The following SNTG2 variants were observed in gnomAD, a reference collection of about 807,000 sequenced individuals.
SNTG2 encodes the protein gamma-2-syntrophin.
A neutral mutation model predicts 70.9 loss-of-function variants in SNTG2; 74 were observed. That is an observed-to-expected ratio of 1.04 (90% CI 0.86 to 1.27). SNTG2 has a LOEUF of 1.27. Among genes scored for constraint, SNTG2 ranks in the 50% most tolerant of loss-of-function variants. The pLI, the probability that SNTG2 is intolerant of heterozygous loss-of-function variation, is 0.00. For missense variants in SNTG2, 717 were observed against 690.7 expected (o/e 1.04, Z -0.43); for synonymous variants, 278 against 273.8 (o/e 1.02, Z -0.15).
intron 12 of SNTG2, among the ~76,000 whole-genome samples, chr2:1,249,554 A>G (rs1677638093): frequency 6.6e-6 from 1 of 152,190 alleles, no homozygotes; most frequent in South Asian, 2.1e-4. Flanking sequence ...CCACCTAAGT[A>G]TGTGGCCTGT....
intron 4 of SNTG2, among the ~76,000 whole-genome samples, chr2:1,119,425 C>T (rs558494316): frequency 3.3e-5 from 5 of 152,116 alleles, no homozygotes; most frequent in African/African-American, 1.2e-4. Context: ...TACATGTCTC[C>T]AGTATGAAGG....
intron 1 of SNTG2, among the ~76,000 whole-genome samples, chr2:1,078,711 C>T (rs998847235): frequency 1.3e-5 from 2 of 152,218 alleles, no homozygotes; most frequent in African/African-American, 4.8e-5. Context: ...CTTAAGAATA[C>T]ACTGAACTGG....
intron 12 of SNTG2, among the ~76,000 whole-genome samples, chr2:1,251,266 A>G (rs1049680993): frequency 6.6e-6 from 1 of 151,700 alleles, no homozygotes; most frequent in Non-Finnish European, 1.5e-5. Flanking sequence ...GATCTCTGAA[A>G]TATAAAAATT....
Position 1,267,573 on chromosome 2 carries a change from T to A in SNTG2, c.1284+2T>A, listed in dbSNP as rs746808339. The A allele has an allele frequency of 2.5e-6, 4 of 1,611,918 alleles. No individual in the cohort carries two copies. The highest frequency in any genetic ancestry group is 2.5e-6 in the Non-Finnish European group (3 of 1,179,732). ...TTCATGGAAGTTCAGAGAACCGGGG[T>A]AAGTGAACAACTCACACTCTTCTCA... On this transcript the variant is annotated splice_donor_variant, in intron 14 of 16. Coordinates refer to ENST00000308624, the MANE Select transcript of SNTG2 (RefSeq NM_018968.4). LOFTEE classifies it high-confidence loss of function.
chr2:1,253,820 G>A (rs1677897878), intron 12 of SNTG2, among the ~76,000 whole-genome samples: 1 of 152,208 alleles, frequency 6.6e-6, no homozygotes, highest in African/African-American at 2.4e-5. Flanking sequence ...CAAAGGGGAA[G>A]TAGGCACATC....
At chr2:983,477 G>A (rs545152197) in intron 1 of SNTG2, among the ~76,000 whole-genome samples, 4 of 152,288 alleles carry the variant, frequency 2.6e-5, no homozygotes, top group South Asian at 4.1e-4. Context: ...CACCCTTCCT[G>A]CCCAACTTGG....
intron 4 of SNTG2, among the ~76,000 whole-genome samples, chr2:1,124,659 G>A (rs1029100751): frequency 2.0e-5 from 3 of 152,272 alleles, no homozygotes; most frequent in African/African-American, 7.2e-5. Flanking sequence ...CCTGGAGGAC[G>A]CTATGCCAGG....
At chr2:1,245,648 G>C (rs550424556) in intron 11 of SNTG2, among the ~76,000 whole-genome samples, 2 of 152,336 alleles carry the variant, frequency 1.3e-5, no homozygotes, top group South Asian at 4.1e-4. Flanking sequence ...ATGATTTACA[G>C]AGTATAAATG....
At chr2:1,360,009 C>T (rs1255597817) in intron 16 of SNTG2, among the ~76,000 whole-genome samples, 2 of 151,634 alleles carry the variant, frequency 1.3e-5, no homozygotes, top group Admixed American at 6.6e-5. Context: ...ATCTTCATTT[C>T]TTTACATTTA....
chr2:1,231,646 C>T (rs1676252395), intron 9 of SNTG2, among the ~76,000 whole-genome samples: 1 of 152,140 alleles, frequency 6.6e-6, no homozygotes, highest in Non-Finnish European at 1.5e-5. Flanking sequence ...CTGTTTCCTT[C>T]TTACAGCCCA....
intron 1 of SNTG2, among the ~76,000 whole-genome samples, chr2:958,841 T>C (rs1660254173): frequency 1.3e-5 from 2 of 152,192 alleles, no homozygotes; most frequent in Non-Finnish European, 2.9e-5. Flanking sequence ...TTAGGAGTTA[T>C]AGTATCAAAC....
At chr2:997,726 G>A (rs1476439282) in intron 1 of SNTG2, among the ~76,000 whole-genome samples, 1 of 152,182 alleles carries the variant, frequency 6.6e-6, no homozygotes, top group Non-Finnish European at 1.5e-5. Context: ...GGGCTGAGTG[G>A]GGAGCCCAGG....
intron 7 of SNTG2, among the ~76,000 whole-genome samples, chr2:1,166,181 G>T (rs1200181946): frequency 6.6e-6 from 1 of 152,182 alleles, no homozygotes; most frequent in Non-Finnish European, 1.5e-5. Context: ...AGCTGTCATG[G>T]CTTTATAAAG....
At chr2:1,335,628 G>A (rs911100912) in intron 16 of SNTG2, among the ~76,000 whole-genome samples, 1 of 152,086 alleles carries the variant, frequency 6.6e-6, no homozygotes, top group African/African-American at 2.4e-5. Context: ...GGAGTCCTAC[G>A]AGTGAATTCC....
At chr2:1,082,020 G>C (rs1433710959) in intron 1 of SNTG2, among the ~76,000 whole-genome samples, 1 of 152,176 alleles carries the variant, frequency 6.6e-6, no homozygotes, top group African/African-American at 2.4e-5. Flanking sequence ...TTGAAAGCCA[G>C]AGGAAACCAC....
intron 6 of SNTG2, among the ~76,000 whole-genome samples, chr2:1,156,493 C>T (rs4971359): frequency 0.84 from 127,787 of 151,912 alleles, 55,279 homozygotes; most frequent in Non-Finnish European, 0.96. Context: ...CAGGTTGAGG[C>T]GTGTCCTGCC....
intron 1 of SNTG2, among the ~76,000 whole-genome samples, chr2:1,034,514 A>G (rs1661024421): frequency 6.6e-6 from 1 of 152,152 alleles, no homozygotes; most frequent in Admixed American, 6.5e-5. Flanking sequence ...TCTGTTTTTC[A>G]ATCTTTGAGG....
chr2:1,113,731 T>C (rs1246070232), intron 4 of SNTG2, among the ~76,000 whole-genome samples: 1 of 143,376 alleles, frequency 7.0e-6, no homozygotes, highest in Non-Finnish European at 1.5e-5. Context: ...TTAACCCTTA[T>C]AGTCCTTTGA....
chr2:1,116,157 G>A (rs905149777), intron 4 of SNTG2, among the ~76,000 whole-genome samples: 1 of 152,228 alleles, frequency 6.6e-6, no homozygotes, highest in Non-Finnish European at 1.5e-5. Flanking sequence ...AGAGCTTAGG[G>A]TGCTTGTGAG....
Sources: gnomAD v4.1 joint callset for allele counts (sites outside exome capture counted in the v4.1 genomes callset) on GRCh38, gnomAD v4.1.1 for gene constraint, MANE v1.5 for transcripts, NCBI Gene and HGNC (gene_info 2026-07-23, HGNC 2026-07-21) for gene names.